The following MTMR14 variants were observed in gnomAD, a reference collection of about 807,000 sequenced individuals.
MTMR14 encodes phosphatidylinositol-3,5-bisphosphate 3-phosphatase MTMR14.
Under a neutral mutation model 86.3 loss-of-function variants are expected in MTMR14, and 48 were observed. The ratio of observed to expected loss-of-function variants is 0.56; its 90% CI spans 0.44 to 0.71. The LOEUF is 0.71. MTMR14 is among the 30% of genes least tolerant of loss of function. The probability of loss-of-function intolerance (pLI) is 0.00; values close to 1 mark genes in which losing one functional copy is unlikely to be tolerated. For synonymous variants in MTMR14, 366 were observed against 326.1 expected, an observed-to-expected ratio of 1.12 and a Z score of -1.32; for missense variants, 780 against 834.6, an observed-to-expected ratio of 0.93 and a Z score of 0.81.
Position 9,702,088 on chromosome 3 carries a change from A to G in MTMR14, c.*115A>G. The stretch of plus-strand genomic sequence containing the variant: ...AGGTCAGGGGAAATTTCAGTCCCCC[A>G]TCTCCATCATGAACATGGCAGCCCC... On this transcript the variant is annotated 3_prime_UTR_variant, in exon 19 of 19. Coordinates refer to ENST00000296003, the MANE Select transcript of MTMR14 (RefSeq NM_001077525.3). The G allele has an allele frequency of 1.5e-6, 2 of 1,336,088 alleles. No individual in the cohort carries two copies. Among genetic ancestry groups the G allele is most frequent in the Non-Finnish European group, 2.1e-6 (2 of 947,978 alleles). 82.8% of individuals were successfully genotyped at this position (1,336,088 alleles called of 1,614,324 possible).
chr3:9,694,408 A>C (rs1266968085), intron 17 of MTMR14, among the ~76,000 whole-genome samples: 1 of 152,176 alleles, frequency 6.6e-6, no homozygotes, highest in Non-Finnish European at 1.5e-5. Flanking sequence ...TTGGGAGGCC[A>C]AGGTCAGAGA....
rs537173393 is a variant in MTMR14 at position 9,679,211 on chromosome 3, A to G, written c.897+1153A>G. On this transcript the variant is annotated intron_variant, in intron 9 of 18. Transcript: ENST00000296003. ...AGTAGGGTGATGTCAGAGTTCCCCA[A>G]TGCAGGTGTTTGCAAGAGAGGGAGC... Among the ~76,000 whole-genome samples the G allele has an allele frequency of 2.0e-4, 31 of 152,302 alleles. No homozygotes were observed. The South Asian group carries it at 6.2e-3, about 31-fold the overall frequency.
rs1246053330 is a variant in MTMR14, at chr3:9,677,673, T to G, written c.822+286T>G. ...CCTTCTGTACTCTCTGTGTGAAAGCTGGGGGCAGCATTCTTTGCCTTCCCC... is the reference window on the plus strand; with the variant it reads ...CCTTCTGTACTCTCTGTGTGAAAGCGGGGGGCAGCATTCTTTGCCTTCCCC... On this transcript the variant is annotated intron_variant, in intron 8 of 18. Transcript: ENST00000296003. The surrounding 1 kb of genome is among the most constrained non-coding windows in gnomAD (Gnocchi z 4.2). Among the ~76,000 whole-genome samples, 1 of 152,176 alleles carries G rather than the reference T, an allele frequency of 6.6e-6. No individual in the cohort carries two copies. The highest frequency in any genetic ancestry group is 1.5e-5 in the Non-Finnish European group (1 of 68,018).
At chr3:9,686,026 A>T (rs2075938416) in intron 13 of MTMR14, among the ~76,000 whole-genome samples, 1 of 150,688 alleles carries the variant, frequency 6.6e-6, no homozygotes, top group Non-Finnish European at 1.5e-5. Flanking sequence ...TTTGGCCCCC[A>T]CTCCCCCATT....
At chr3:9,683,591 G>A in intron 10 of MTMR14, 1 of 310,126 alleles carries the variant, frequency 3.2e-6, no homozygotes, top group Middle Eastern at 1.2e-3. Flanking sequence ...ATCAATCCGG[G>A]CTGCTCAGTG....
chr3:9,697,967 C>G, intron 18 of MTMR14, 101 bp downstream of exon 18: 2 of 1,515,042 alleles, frequency 1.3e-6, no homozygotes, highest in Non-Finnish European at 1.8e-6. Flanking sequence ...CGCTCAGGAG[C>G]TGGCCTGGCC....
chr3:9,694,462 TGA>T (rs1359900353), intron 17 of MTMR14, among the ~76,000 whole-genome samples: 1 of 152,114 alleles, frequency 6.6e-6, no homozygotes, highest in African/African-American at 2.4e-5. Context: ...AGCACCATAG[TGA>T]GACCTTGCCA....
intron 1 of MTMR14, among the ~76,000 whole-genome samples, chr3:9,650,034 A>G (rs1412279177): frequency 6.6e-6 from 1 of 152,092 alleles, no homozygotes; most frequent in Non-Finnish European, 1.5e-5. Context: ...ATCAGAGAGG[A>G]GGACCTAAGG....
chr3:9,684,753 C>A, intron 11 of MTMR14, 83 bp downstream of exon 11: 1 of 1,557,226 alleles, frequency 6.4e-7, no homozygotes, highest in Non-Finnish European at 8.9e-7. Flanking sequence ...GCAGGGGATG[C>A]CATCGCTCAG....
intron 9 of MTMR14, among the ~76,000 whole-genome samples, chr3:9,679,782 T>C (rs182080744): frequency 7.6e-4 from 116 of 152,296 alleles, no homozygotes; most frequent in Non-Finnish European, 1.4e-3. Flanking sequence ...ATTGTAATGA[T>C]AATTATGAAG....
chr3:9,651,892 C>T (rs145735453), intron 1 of MTMR14, among the ~76,000 whole-genome samples: 3,309 of 150,126 alleles, frequency 0.022, 55 homozygotes, highest in Non-Finnish European at 0.036. Flanking sequence ...AATGCAATGG[C>T]GTGATCTCGG....
At chr3:9,660,598 A>G (rs1459614341) in intron 2 of MTMR14, among the ~76,000 whole-genome samples, 1 of 152,094 alleles carries the variant, frequency 6.6e-6, no homozygotes. Flanking sequence ...CAGTATTTTA[A>G]AGACTGTGTT....
intron 1 of MTMR14, among the ~76,000 whole-genome samples, chr3:9,651,751 C>T (rs1437696742): frequency 6.6e-6 from 1 of 152,042 alleles, no homozygotes; most frequent in Non-Finnish European, 1.5e-5. Flanking sequence ...CTGCAACTTC[C>T]ACCTCCTGGA....
In MTMR14 at chr3:9,667,777, A is replaced by G. The variant is rs571201003; in HGVS notation, c.418-942A>G. Among the ~76,000 whole-genome samples, 70 of 152,294 alleles carry G rather than the reference A, an allele frequency of 4.6e-4. 1 individual carries two copies. The highest frequency in any genetic ancestry group is 1.6e-3 in the African/African-American group (67 of 41,566). ...GCACAACTCTTTGCTGTAGCAGCAA[A>G]ACTTTCCTTCCCATTATCTTACAGG... On this transcript the variant is annotated intron_variant, in intron 3 of 18. Coordinates refer to ENST00000296003, the MANE Select transcript of MTMR14 (RefSeq NM_001077525.3).
In MTMR14 at chr3:9,684,687, C is replaced by A. The variant is rs2075878778; in HGVS notation, c.1050+17C>A. The A allele has an allele frequency of 1.5e-5, 25 of 1,613,532 alleles. No individual in the cohort carries two copies. The highest frequency in any genetic ancestry group is 2.1e-5 in the Non-Finnish European group (25 of 1,179,580). ...TTGTGGGCTGTGAGTATGAATCGGC[C>A]CCTACCAAGCTCTGCTCTTTGGGTG... On this transcript the variant is annotated intron_variant, in intron 11 of 18. Transcript: ENST00000296003.
At chr3:9,679,097 G>A in intron 9 of MTMR14, among the ~76,000 whole-genome samples, 1 of 152,186 alleles carries the variant, frequency 6.6e-6, no homozygotes, top group East Asian at 1.9e-4. Flanking sequence ...CTGTTGTCCT[G>A]ATAGCAGCAA....
Position 9,677,456 on chromosome 3 carries a change from A to G in MTMR14, c.822+69A>G, listed in dbSNP as rs2075620786. ...TAAAGGGAGGCCAAGGAGAACAACA[A>G]GCAGTCTTTGGGGAAAACAACAAGC... is the stretch of plus-strand genomic sequence containing the variant. On this transcript the variant is annotated intron_variant, in intron 8 of 18. Transcript: ENST00000296003. This position sits in a 1 kb window ranked among gnomAD's most constrained non-coding sequence, Gnocchi z 4.2. The G allele has an allele frequency of 3.6e-6, 5 of 1,395,042 alleles. No homozygotes were observed. Among genetic ancestry groups the G allele is most frequent in the East Asian group, 4.6e-5 (2 of 43,798 alleles). 86.4% of individuals were successfully genotyped at this position (1,395,042 alleles called of 1,614,324 possible). A position where few individuals can be genotyped will look rare whatever the true frequency, so the allele number is the denominator to read the frequency against.
At chr3:9,689,615 GC>G (rs2076074222) in intron 16 of MTMR14, among the ~76,000 whole-genome samples, 1 of 152,140 alleles carries the variant, frequency 6.6e-6, no homozygotes. Flanking sequence ...GATCACTTGA[GC>G]CCAGGAGTTT....
At chr3:9,684,802 A>G in intron 11 of MTMR14, 86 bp from the exon 12 acceptor site, 23 of 1,556,360 alleles carry the variant, frequency 1.5e-5, no homozygotes, top group Non-Finnish European at 2.0e-5. Context: ...GGTGTTCTTC[A>G]GCCTGCGTTG....
Sources: allele counts gnomAD v4.1 joint callset (sites outside exome capture counted in the v4.1 genomes callset), GRCh38; gene constraint gnomAD v4.1.1; non-coding constraint Gnocchi (gnomAD v3.1); transcripts MANE v1.5; gene names NCBI Gene and HGNC (gene_info 2026-07-23, HGNC 2026-07-21).